SCAPER: variants seen among roughly 807,000 people sequenced by gnomAD.
SCAPER encodes the protein S phase cyclin A-associated protein in the endoplasmic reticulum.
SCAPER carries 98 observed loss-of-function variants against 182.2 expected under a neutral mutation model. The observed-to-expected ratio is 0.54, with a 90% confidence interval of 0.46 to 0.64. The LOEUF is 0.64. Among genes scored for constraint, SCAPER ranks in the 30% least tolerant of loss-of-function variants. SCAPER has a pLI of 0.00. For missense variants in SCAPER, 1,432 were observed against 1,690.0 expected, an observed-to-expected ratio of 0.85 and a Z score of 2.68; for synonymous variants, 605 against 564.6, an observed-to-expected ratio of 1.07 and a Z score of -1.01.
At chr15:76,729,719 A>C (rs1567949771) in intron 16 of SCAPER, among the ~76,000 whole-genome samples, 1 of 152,192 alleles carries the variant, frequency 6.6e-6, no homozygotes, top group Non-Finnish European at 1.5e-5. Flanking sequence ...GATATTATAA[A>C]GCACAGATGA....
intron 25 of SCAPER, among the ~76,000 whole-genome samples, chr15:76,449,618 T>C (rs770188752): frequency 3.3e-5 from 5 of 152,222 alleles, no homozygotes; most frequent in Admixed American, 1.3e-4. Context: ...CTATGACAAG[T>C]GGGTACAAGG....
chr15:76,729,065 A>G (rs531827492), intron 16 of SCAPER, among the ~76,000 whole-genome samples: 1 of 152,200 alleles, frequency 6.6e-6, no homozygotes, highest in African/African-American at 2.4e-5. Context: ...ATATGAAAAG[A>G]GAGACTGGCC....
chr15:76,665,527 C>T, intron 21 of SCAPER, 126 bp downstream of exon 21: 1 of 1,133,594 alleles, frequency 8.8e-7, no homozygotes, highest in Non-Finnish European at 1.2e-6. Flanking sequence ...AAATTAGGCT[C>T]ATCAGTGTTA....
chr15:76,613,077 T>C (rs964733033), intron 22 of SCAPER, among the ~76,000 whole-genome samples: 6 of 152,036 alleles, frequency 3.9e-5, no homozygotes, highest in Non-Finnish European at 7.4e-5. Flanking sequence ...TACAGACACA[T>C]AGACCAATGG....
At chr15:76,495,218 T>G (rs2040373711) in intron 24 of SCAPER, among the ~76,000 whole-genome samples, 1 of 152,044 alleles carries the variant, frequency 6.6e-6, no homozygotes, top group Non-Finnish European at 1.5e-5. Context: ...GTATTGACAC[T>G]GGTAAAACAA....
intron 23 of SCAPER, among the ~76,000 whole-genome samples, chr15:76,511,702 G>A (rs574698830): frequency 6.6e-6 from 1 of 152,110 alleles, no homozygotes; most frequent in South Asian, 2.1e-4. Context: ...TAAACTCTGA[G>A]CTTGCTGATG....
At chr15:76,610,848 A>G (rs915100294) in intron 22 of SCAPER, among the ~76,000 whole-genome samples, 1 of 152,234 alleles carries the variant, frequency 6.6e-6, no homozygotes, top group Non-Finnish European at 1.5e-5. Context: ...TAATACCCAA[A>G]GTGATCTACA....
intron 25 of SCAPER, among the ~76,000 whole-genome samples, chr15:76,467,671 T>C (rs560371415): frequency 6.6e-6 from 1 of 152,296 alleles, no homozygotes; most frequent in East Asian, 1.9e-4. Flanking sequence ...TACTAGGTTG[T>C]CTGAGCTACG....
intron 3 of SCAPER, among the ~76,000 whole-genome samples, chr15:76,861,455 A>C (rs2071856991): frequency 3.3e-5 from 5 of 152,174 alleles, no homozygotes; most frequent in Admixed American, 3.3e-4. Context: ...GATACCAGAC[A>C]AACCTAACTG....
chr15:76,864,331 T>C (rs184330992), intron 2 of SCAPER, among the ~76,000 whole-genome samples: 92 of 152,348 alleles, frequency 6.0e-4, no homozygotes, highest in African/African-American at 2.2e-3. Context: ...AATATACACA[T>C]AAAGTAGTTT....
intron 8 of SCAPER, among the ~76,000 whole-genome samples, chr15:76,792,373 G>A (rs957674176): frequency 6.6e-6 from 1 of 152,090 alleles, no homozygotes; most frequent in Non-Finnish European, 1.5e-5. Flanking sequence ...TTGGGAGACT[G>A]GCAATCTAAA....
At chr15:76,751,783 A>C (rs574546674) in intron 15 of SCAPER, among the ~76,000 whole-genome samples, 10 of 151,932 alleles carry the variant, frequency 6.6e-5, no homozygotes, top group South Asian at 4.1e-4. Flanking sequence ...TCTTAGAAGA[A>C]GACACAGGAT....
chr15:76,607,148 C>G (rs1231519348), intron 22 of SCAPER, among the ~76,000 whole-genome samples: 1 of 152,206 alleles, frequency 6.6e-6, no homozygotes, highest in Non-Finnish European at 1.5e-5. Context: ...TTTGCAGTGG[C>G]TGGTACTGGT....
intron 21 of SCAPER, among the ~76,000 whole-genome samples, chr15:76,643,663 C>G (rs759690200): frequency 3.9e-5 from 6 of 152,168 alleles, no homozygotes; most frequent in Non-Finnish European, 7.3e-5. Flanking sequence ...GCCCAGGTGA[C>G]AGGGCGAAAC....
chr15:76,637,742 ATGTGTG>A (rs55726181), intron 21 of SCAPER, among the ~76,000 whole-genome samples: 14,425 of 104,114 alleles, frequency 0.14, 1,165 homozygotes, highest in East Asian at 0.18. Context: ...ATATATATAT[ATGTGTG>A]TGTGTGTGTG....
chr15:76,717,156 A>G (rs2059932885), intron 17 of SCAPER, among the ~76,000 whole-genome samples: 1 of 151,816 alleles, frequency 6.6e-6, no homozygotes, highest in South Asian at 2.1e-4. Flanking sequence ...AAAAAAAAAA[A>G]AAAACCTGCC....
chr15:76,800,409 G>A, intron 6 of SCAPER, 45 bp from the exon 7 acceptor site: 1 of 1,206,770 alleles, frequency 8.3e-7, no homozygotes, highest in Non-Finnish European at 1.2e-6. Context: ...CAGAGAAAAG[G>A]GAGAAACAAA....
At chr15:76,737,783 C>T (rs1449850833) in intron 15 of SCAPER, among the ~76,000 whole-genome samples, 1 of 152,200 alleles carries the variant, frequency 6.6e-6, no homozygotes, top group African/African-American at 2.4e-5. Context: ...CACTTATTGC[C>T]TTACCTTGCA....
intron 24 of SCAPER, among the ~76,000 whole-genome samples, chr15:76,501,659 T>C (rs1893599017): frequency 6.6e-6 from 1 of 152,148 alleles, no homozygotes; most frequent in African/African-American, 2.4e-5. Flanking sequence ...TATTCTAAAC[T>C]AGCCTCCTTA....
Sources: gnomAD v4.1 joint callset for allele counts (sites outside exome capture counted in the v4.1 genomes callset) on GRCh38, gnomAD v4.1.1 for gene constraint, MANE v1.5 for transcripts, NCBI Gene and HGNC (gene_info 2026-07-23, HGNC 2026-07-21) for gene names.